The following INPP4B variants were observed in gnomAD, a reference collection of about 807,000 sequenced individuals.
The protein encoded by INPP4B is inositol polyphosphate-4-phosphatase type II B, also known as inositol polyphosphate 4-phosphatase type II.
A neutral mutation model predicts 122.5 loss-of-function variants in INPP4B; 55 were observed. The observed-to-expected ratio is 0.45, with a 90% CI of 0.36 to 0.56. INPP4B has a LOEUF of 0.56. INPP4B is among the 20% of genes least tolerant of loss of function. The pLI is 0.00. For missense variants in INPP4B, 1,000 were observed against 1,097.7 expected (o/e 0.91, Z 1.26); for synonymous variants, 403 against 388.7 (o/e 1.04, Z -0.43).
chr4:142,238,991 G>T (rs990586997), intron 11 of INPP4B, among the ~76,000 whole-genome samples: 1 of 152,062 alleles, frequency 6.6e-6, no homozygotes, highest in Non-Finnish European at 1.5e-5. Flanking sequence ...AAAAATATCA[G>T]TTGATATTGA....
chr4:142,060,309 C>A (rs1360145103), intron 25 of INPP4B, among the ~76,000 whole-genome samples: 2 of 152,138 alleles, frequency 1.3e-5, no homozygotes, highest in African/African-American at 4.8e-5. Flanking sequence ...GGCCACCATT[C>A]TTACTTGATG....
chr4:142,815,471 T>C (rs1780005618), intron 1 of INPP4B, among the ~76,000 whole-genome samples: 2 of 152,142 alleles, frequency 1.3e-5, no homozygotes, highest in South Asian at 4.1e-4. Flanking sequence ...TCTAGGATAA[T>C]GTTTACTTTA....
intron 8 of INPP4B, among the ~76,000 whole-genome samples, chr4:142,308,906 A>T (rs1764422010): frequency 6.6e-6 from 1 of 152,118 alleles, no homozygotes; most frequent in Non-Finnish European, 1.5e-5. Flanking sequence ...AATCTGGACA[A>T]TTACATTACT....
In INPP4B at chr4:142,086,019, T is replaced by C. The variant is rs1776553205; in HGVS notation, c.2487+125A>G. The C allele has an allele frequency of 1.8e-5, 12 of 679,816 alleles. 1 individual carries two copies. The highest frequency in any genetic ancestry group is 1.6e-4 in the South Asian group (10 of 61,010). 42.1% of individuals were successfully genotyped at this position (679,816 alleles called of 1,614,324 possible). The stretch of plus-strand genomic sequence containing the variant: ...AACAAGAGTAAAAATGCCTAATCCA[T>C]GGACTAATAGAAGATGACACCTGGC... On this transcript the variant is annotated intron_variant, in intron 24 of 25. Transcript: ENST00000262992.
chr4:142,164,280 A>G (rs1487233197), intron 16 of INPP4B, among the ~76,000 whole-genome samples: 2 of 151,846 alleles, frequency 1.3e-5, no homozygotes, highest in Non-Finnish European at 1.5e-5. Context: ...TTCACTAGAG[A>G]TCTCAACAAA....
chr4:142,668,721 GA>G (rs1756515771), intron 2 of INPP4B, among the ~76,000 whole-genome samples: 1 of 152,042 alleles, frequency 6.6e-6, no homozygotes, highest in Admixed American at 6.6e-5. Context: ...ATCCAAAAAA[GA>G]AATCAATTGT....
intron 23 of INPP4B, among the ~76,000 whole-genome samples, chr4:142,095,876 C>A (rs1193925438): frequency 6.6e-6 from 1 of 152,160 alleles, no homozygotes; most frequent in African/African-American, 2.4e-5. Flanking sequence ...CAGTGTACCA[C>A]AATTATCGTC....
At chr4:142,701,865 CAAT>C (rs938193206) in intron 2 of INPP4B, among the ~76,000 whole-genome samples, 9 of 152,138 alleles carry the variant, frequency 5.9e-5, no homozygotes, top group Admixed American at 3.9e-4. Context: ...TGAATGAACA[CAAT>C]AAATATTTGT....
chr4:142,226,664 A>G (rs1008517332), intron 12 of INPP4B, among the ~76,000 whole-genome samples: 9 of 152,228 alleles, frequency 5.9e-5, no homozygotes, highest in African/African-American at 1.7e-4. Flanking sequence ...CGAAAAGAGT[A>G]AAGTTGTAGA....
intron 1 of INPP4B, among the ~76,000 whole-genome samples, chr4:142,817,854 G>A (rs370468451): frequency 1.3e-5 from 2 of 152,074 alleles, no homozygotes; most frequent in Non-Finnish European, 2.9e-5. Context: ...ATATATTGAC[G>A]TTAAAAGGAA....
intron 4 of INPP4B, among the ~76,000 whole-genome samples, chr4:142,429,776 T>C (rs1197374065): frequency 1.3e-5 from 2 of 152,060 alleles, no homozygotes; most frequent in Non-Finnish European, 2.9e-5. Flanking sequence ...TATAACAAGA[T>C]GGCTAAATAA....
intron 11 of INPP4B, among the ~76,000 whole-genome samples, chr4:142,259,267 G>C (rs1167049853): frequency 2.0e-5 from 3 of 151,610 alleles, no homozygotes; most frequent in Admixed American, 6.6e-5. Flanking sequence ...TGACGACTTA[G>C]TGGGTGCAGT....
intron 25 of INPP4B, among the ~76,000 whole-genome samples, chr4:142,062,940 GTTAACTACAC>G (rs1186474915): frequency 1.3e-5 from 2 of 152,168 alleles, no homozygotes; most frequent in Non-Finnish European, 2.9e-5. Flanking sequence ...GGGGAAATAT[GTTAACTACAC>G]TTTCGTAGGC....
intron 2 of INPP4B, among the ~76,000 whole-genome samples, chr4:142,620,266 A>C (rs1197324566): frequency 6.6e-6 from 1 of 152,028 alleles, no homozygotes; most frequent in Non-Finnish European, 1.5e-5. Context: ...ATGCCCATCA[A>C]CTGTGGACTG....
Position 142,724,978 on chromosome 4 carries a change from A to AC in INPP4B, c.-191+860_-191+861insG, listed in dbSNP as rs1765153144. Among the ~76,000 whole-genome samples the AC allele has an allele frequency of 1.3e-5, 2 of 152,140 alleles. 1 individual carries two copies. Among genetic ancestry groups the AC allele is most frequent in the South Asian group, 4.1e-4 (2 of 4,834 alleles). On this transcript the variant is annotated intron_variant, in intron 2 of 25. Transcript: ENST00000262992. ...CATTAATATACTATATATGTTCATG[A>AC]ACATACAGTGTCATCACATCTTCAT... is the stretch of plus-strand genomic sequence containing the variant.
chr4:142,583,193 A>G (rs1481033883), intron 2 of INPP4B, among the ~76,000 whole-genome samples: 3 of 152,078 alleles, frequency 2.0e-5, no homozygotes, highest in African/African-American at 4.8e-5. Flanking sequence ...TTACATTTCA[A>G]ATGGGGTCAA....
intron 2 of INPP4B, among the ~76,000 whole-genome samples, chr4:142,535,668 C>T (rs898908616): frequency 6.6e-6 from 1 of 152,112 alleles, no homozygotes; most frequent in Non-Finnish European, 1.5e-5. Flanking sequence ...ATGGTAGGGG[C>T]TCAACACATT....
At chr4:142,244,282 T>G (rs1420871007) in intron 11 of INPP4B, among the ~76,000 whole-genome samples, 1 of 134,758 alleles carries the variant, frequency 7.4e-6, no homozygotes, top group African/African-American at 2.7e-5. Context: ...ATGGTGTATA[T>G]GTGCCTTTTT....
intron 10 of INPP4B, among the ~76,000 whole-genome samples, chr4:142,266,772 T>A (rs1256868295): frequency 6.6e-6 from 1 of 152,092 alleles, no homozygotes; most frequent in Non-Finnish European, 1.5e-5. Flanking sequence ...GAAGGGAAAT[T>A]GTCTTTGTTT....
Sources: allele counts gnomAD v4.1 joint callset (sites outside exome capture counted in the v4.1 genomes callset), GRCh38; gene constraint gnomAD v4.1.1; transcripts MANE v1.5; gene names NCBI Gene and HGNC (gene_info 2026-07-23, HGNC 2026-07-21).